Variants in PLCB1 observed in about 807,000 individuals in gnomAD.
PLCB1 encodes the protein 1-phosphatidylinositol 4,5-bisphosphate phosphodiesterase beta-1.
A neutral mutation model predicts 161.8 loss-of-function variants in PLCB1; 46 were observed. The ratio of observed to expected loss-of-function variants is 0.28; its 90% CI spans 0.22 to 0.36. The LOEUF (loss-of-function observed/expected upper bound fraction) is 0.36. PLCB1 is among the 10% of genes least tolerant of loss of function. PLCB1 has a pLI of 1.00. For missense variants in PLCB1, 1,016 were observed against 1,472.5 expected (o/e 0.69, Z 5.07); for synonymous variants, 517 against 503.7 (o/e 1.03, Z -0.35).
chr20:8,841,292 T>C (rs1986495341), intron 31 of PLCB1, among the ~76,000 whole-genome samples: 1 of 152,266 alleles, frequency 6.6e-6, no homozygotes, highest in South Asian at 2.1e-4. Context: ...GTAATGGCTA[T>C]TAAATCATTT....
At chr20:8,363,541 G>A (rs1026357239) in intron 2 of PLCB1, among the ~76,000 whole-genome samples, 1 of 152,148 alleles carries the variant, frequency 6.6e-6, no homozygotes, top group East Asian at 1.9e-4. Flanking sequence ...CTAACTTTAT[G>A]TTGTCTGATT....
At position 8,763,938 on chromosome 20, in the gene PLCB1, G is replaced by A. The variant is rs187659771; in HGVS notation, c.2711-1201G>A. Among the ~76,000 whole-genome samples the A allele has an allele frequency of 2.2e-3, 340 of 152,076 alleles. 2 individuals carry two copies. Among genetic ancestry groups the A allele is most frequent in the Admixed American group, 0.02 (301 of 15,282 alleles). ...CCAGCACTTTGGGAAGCCGAGGAGGGCAGATCACTTGAGGCTGGGAGTTTG... is the reference window on the plus strand; with the variant it reads ...CCAGCACTTTGGGAAGCCGAGGAGGACAGATCACTTGAGGCTGGGAGTTTG... On this transcript the variant is annotated intron_variant, in intron 25 of 31. Coordinates refer to ENST00000338037, the MANE Select transcript of PLCB1 (RefSeq NM_015192.4).
intron 2 of PLCB1, among the ~76,000 whole-genome samples, chr20:8,289,741 C>T (rs1040252063): frequency 6.6e-6 from 1 of 152,226 alleles, no homozygotes; most frequent in Admixed American, 6.5e-5. Flanking sequence ...TATACACTGC[C>T]CCAGGACACT....
intron 3 of PLCB1, among the ~76,000 whole-genome samples, chr20:8,537,397 T>C (rs746850384): frequency 2.0e-5 from 3 of 152,138 alleles, no homozygotes; most frequent in Non-Finnish European, 4.4e-5. Context: ...GTGAGCTCAC[T>C]CGCCCAACTC....
chr20:8,513,049 C>T (rs991511460), intron 3 of PLCB1, among the ~76,000 whole-genome samples: 2 of 152,134 alleles, frequency 1.3e-5, no homozygotes, highest in East Asian at 1.9e-4. Flanking sequence ...TAATATTTGT[C>T]CTTCTGTGCC....
At chr20:8,842,990 T>C (rs546266300) in intron 31 of PLCB1, among the ~76,000 whole-genome samples, 12 of 152,162 alleles carry the variant, frequency 7.9e-5, no homozygotes, top group Admixed American at 7.2e-4. Context: ...GTTAAATGAT[T>C]TGGCAATAAC....
chr20:8,834,938 A>G (rs190183827), intron 31 of PLCB1, among the ~76,000 whole-genome samples: 3 of 151,584 alleles, frequency 2.0e-5, no homozygotes, highest in African/African-American at 7.3e-5. Flanking sequence ...CCTTTGTTCT[A>G]TTCAGACCTT....
At chr20:8,793,069 T>C (rs1983842416) in intron 31 of PLCB1, among the ~76,000 whole-genome samples, 1 of 152,110 alleles carries the variant, frequency 6.6e-6, no homozygotes, top group African/African-American at 2.4e-5. Flanking sequence ...GCTTTGAATC[T>C]TGACATAGAC....
Position 8,619,670 on chromosome 20 carries a change from G to A in PLCB1, c.247-8624G>A, listed in dbSNP as rs187213475. On this transcript the variant is annotated intron_variant, in intron 3 of 31. Transcript: ENST00000338037. ...GAATATGAGTTGCCTAATTTACAAA[G>A]CTAGTTAAATGGAAGAACCAGGAAC... Among the ~76,000 whole-genome samples, 496 of 152,160 alleles carry A rather than the reference G, an allele frequency of 3.3e-3. 2 individuals are homozygous for A. The highest frequency in any genetic ancestry group is 5.4e-3 in the Non-Finnish European group (366 of 67,998).
intron 2 of PLCB1, among the ~76,000 whole-genome samples, chr20:8,276,974 C>CTTATTATTA (rs1202925460): frequency 4.9e-4 from 49 of 100,934 alleles, no homozygotes; most frequent in South Asian, 1.9e-3. Context: ...TCTTCTTCTT[C>CTTATTATTA]TTCTTCTTCT....
At chr20:8,443,240 G>C (rs761972343) in intron 3 of PLCB1, among the ~76,000 whole-genome samples, 18 of 151,972 alleles carry the variant, frequency 1.2e-4, no homozygotes, top group Non-Finnish European at 2.5e-4. Flanking sequence ...TTGGCCTCCT[G>C]AAGTGCTGGG....
chr20:8,440,496 C>A (rs982633096), intron 3 of PLCB1, among the ~76,000 whole-genome samples: 1 of 152,204 alleles, frequency 6.6e-6, no homozygotes, highest in Non-Finnish European at 1.5e-5. Context: ...TTGATTGTTA[C>A]ATATTATTCC....
chr20:8,438,770 G>C (rs1295086084), intron 3 of PLCB1, among the ~76,000 whole-genome samples: 1 of 152,148 alleles, frequency 6.6e-6, no homozygotes, highest in Non-Finnish European at 1.5e-5. Context: ...CCTGACCCAA[G>C]GGGCCACAAA....
At position 8,765,366 on chromosome 20, in the gene PLCB1, C is replaced by G. The variant is rs767172522; in HGVS notation, c.2930+8C>G. On this transcript the variant is annotated splice_region_variant and intron_variant, in intron 26 of 31. Coordinates refer to ENST00000338037, the MANE Select transcript of PLCB1 (RefSeq NM_015192.4). ...AAAGGACAGTAAGAAAAAGTAAGTT[C>G]AATGAATATTTTTAGTTGGTTTCAT... 1.2e-5 allele frequency: 19 copies of G among 1,586,560 alleles called. 1 individual carries two copies. Among genetic ancestry groups the G allele is most frequent in the Middle Eastern group, 1.7e-4 (1 of 5,980 alleles).
intron 3 of PLCB1, among the ~76,000 whole-genome samples, chr20:8,418,565 T>C (rs777409725): frequency 3.4e-4 from 52 of 152,136 alleles, no homozygotes; most frequent in Non-Finnish European, 7.1e-4. Flanking sequence ...TCTTATTCTT[T>C]ATCAAATTAT....
chr20:8,319,594 CAAG>C (rs774618071), intron 2 of PLCB1, among the ~76,000 whole-genome samples: 11 of 151,746 alleles, frequency 7.2e-5, no homozygotes, highest in South Asian at 6.3e-4. Flanking sequence ...GTGTTGAGTA[CAAG>C]AAGGAGGGGG....
intron 3 of PLCB1, among the ~76,000 whole-genome samples, chr20:8,545,031 T>C (rs1418148725): frequency 6.6e-6 from 1 of 152,140 alleles, no homozygotes; most frequent in Non-Finnish European, 1.5e-5. Context: ...GTCAAGGAGA[T>C]GACAGTCTAG....
intron 3 of PLCB1, among the ~76,000 whole-genome samples, chr20:8,532,664 G>A (rs1238626355): frequency 6.6e-6 from 1 of 152,040 alleles, no homozygotes; most frequent in Non-Finnish European, 1.5e-5. Flanking sequence ...AAGATTAAAA[G>A]ATAATCCCGG....
intron 2 of PLCB1, among the ~76,000 whole-genome samples, chr20:8,362,839 A>G (rs1354316816): frequency 6.6e-6 from 1 of 152,220 alleles, no homozygotes; most frequent in Non-Finnish European, 1.5e-5. Flanking sequence ...ATGTTACACA[A>G]TACTCCTGCT....
Sources: gnomAD v4.1 joint callset for allele counts (sites outside exome capture counted in the v4.1 genomes callset) on GRCh38, gnomAD v4.1.1 for gene constraint, MANE v1.5 for transcripts, NCBI Gene and HGNC (gene_info 2026-07-23, HGNC 2026-07-21) for gene names.